The following SFSWAP variants were observed in gnomAD, a reference collection of about 807,000 sequenced individuals.
SFSWAP encodes splicing factor, suppressor of white-apricot homolog.
In SFSWAP, 17 loss-of-function variants were observed where a neutral mutation model predicts 100.7. The observed-to-expected ratio is 0.17, with a 90% CI of 0.12 to 0.25. The LOEUF (loss-of-function observed/expected upper bound fraction) is 0.25. Among genes scored for constraint, SFSWAP ranks in the 10% least tolerant of loss-of-function variants. The pLI, the probability that SFSWAP is intolerant of heterozygous loss-of-function variation, is 1.00. For missense variants in SFSWAP, 1,005 were observed against 1,262.6 expected (o/e 0.80, Z 3.09); for synonymous variants, 504 against 510.1 (o/e 0.99, Z 0.16).
rs1566068023 is a variant in SFSWAP, at chr12:131,799,532, TG to T, written c.*47del. ...AGAGCCGGGAGGCTGCGTGGGCTTC[TG>T]GGCAGGCTCACGCAGACGCCGGCCA... On this transcript the variant is annotated 3_prime_UTR_variant, in exon 18 of 18. Coordinates refer to ENST00000261674, the MANE Select transcript of SFSWAP (RefSeq NM_004592.4). The T allele has an allele frequency of 6.3e-7, 1 of 1,576,288 alleles. No individual in the cohort carries two copies. Among genetic ancestry groups the T allele is most frequent in the Non-Finnish European group, 8.7e-7 (1 of 1,149,266 alleles).
At chr12:131,740,538 C>T (rs1187156107) in intron 7 of SFSWAP, among the ~76,000 whole-genome samples, 1 of 152,166 alleles carries the variant, frequency 6.6e-6, no homozygotes, top group Non-Finnish European at 1.5e-5. Flanking sequence ...CCTCGAGCAC[C>T]TTTCCTGTCC....
intron 11 of SFSWAP, among the ~76,000 whole-genome samples, chr12:131,761,795 A>G (rs1463568390): frequency 6.6e-6 from 1 of 152,160 alleles, no homozygotes; most frequent in East Asian, 1.9e-4. Flanking sequence ...GTACCTGGAG[A>G]AACTTAGTTA....
At chr12:131,779,201 G>A (rs1421083548) in intron 14 of SFSWAP, among the ~76,000 whole-genome samples, 7 of 150,250 alleles carry the variant, frequency 4.7e-5, no homozygotes, top group African/African-American at 1.5e-4. Flanking sequence ...AGGGCAGCGC[G>A]GATGAGTGTG....
chr12:131,715,001 G>A lies in SFSWAP; in HGVS notation c.520+48G>A, dbSNP rs113877613. 1.3e-5 allele frequency: 21 copies of A among 1,603,214 alleles called. 1 individual carries two copies. Among genetic ancestry groups the A allele is most frequent in the African/African-American group, 1.1e-4 (8 of 74,798 alleles). ...TGCTGGTGTAGGGCTACACGTGTAC[G>A]CACAGGCTGCATGCACCGTGGTCCA... On this transcript the variant is annotated intron_variant, in intron 3 of 17. Transcript: ENST00000261674.
chr12:131,775,690 T>G (rs1314392529), intron 13 of SFSWAP, among the ~76,000 whole-genome samples: 3 of 152,224 alleles, frequency 2.0e-5, no homozygotes, highest in Non-Finnish European at 2.9e-5. Flanking sequence ...AAAGGATCAT[T>G]TAGCATTGCT....
At chr12:131,793,508 A>C (rs1046829102) in intron 15 of SFSWAP, among the ~76,000 whole-genome samples, 2 of 152,192 alleles carry the variant, frequency 1.3e-5, no homozygotes, top group Non-Finnish European at 2.9e-5. Flanking sequence ...AACTAGAACC[A>C]TTAAGCTTTT....
At chr12:131,799,391 A>G in intron 17 of SFSWAP, 32 bp from the exon 18 acceptor site, 1 of 1,610,566 alleles carries the variant, frequency 6.2e-7, no homozygotes, top group Non-Finnish European at 8.5e-7. Context: ...CCAGGTCTTC[A>G]CAGGTTCTCC....
At position 131,711,435 on chromosome 12, in the gene SFSWAP, T is replaced by G; in HGVS notation, c.206T>G (p.Ile69Ser). ...ATCCCCTGGATGGGGGACCACAAGATCCTCATCGACAGGTCGGTTCCTCTC... is the reference window on the plus strand; with the variant it reads ...ATCCCCTGGATGGGGGACCACAAGAGCCTCATCGACAGGTCGGTTCCTCTC... ...HLIPWMGDHK[I>S]LIDRYDGRGH... is the part of the protein sequence containing the mutation. Residue 69 changes from isoleucine to serine, a missense_variant, in exon 1 of 18, where the codon ATC becomes AGC. Transcript: ENST00000261674. The surrounding 1 kb of genome is among the most constrained non-coding windows in gnomAD (Gnocchi z 4.9). The G allele has an allele frequency of 6.2e-7, 1 of 1,613,014 alleles. No homozygotes were observed. Among genetic ancestry groups the G allele is most frequent in the Non-Finnish European group, 8.5e-7 (1 of 1,179,716 alleles).
intron 15 of SFSWAP, among the ~76,000 whole-genome samples, chr12:131,793,398 A>G (rs568578721): frequency 1.3e-5 from 2 of 152,306 alleles, no homozygotes; most frequent in Admixed American, 1.3e-4. Context: ...AACTCTTTCC[A>G]ACAAAACTTG....
At chr12:131,743,703 T>C (rs1163865164) in intron 7 of SFSWAP, among the ~76,000 whole-genome samples, 5 of 152,228 alleles carry the variant, frequency 3.3e-5, no homozygotes, top group Non-Finnish European at 5.9e-5. Flanking sequence ...TTCTCACAGC[T>C]GCACTAGGCA....
intron 7 of SFSWAP, among the ~76,000 whole-genome samples, chr12:131,736,025 GT>G (rs1440975967): frequency 6.6e-6 from 1 of 152,336 alleles, no homozygotes; most frequent in African/African-American, 2.4e-5. Context: ...CTCCCCTGGT[GT>G]TTGTCATGGC....
chr12:131,799,310 C>T (rs992362419), intron 17 of SFSWAP, 113 bp from the exon 18 acceptor site: 1 of 1,204,082 alleles, frequency 8.3e-7, no homozygotes, highest in East Asian at 2.4e-5. Flanking sequence ...CCGCCGCCCC[C>T]ACGGTGCTAG....
At position 131,785,298 on chromosome 12, in the gene SFSWAP, C is replaced by T. The variant is rs554567355; in HGVS notation, c.2409-1165C>T. ...GGAAAGGTCTGGGAAAAAATCAAAA[C>T]GATTCTGTCCGTTAAAGGGCAGCCA... is the stretch of plus-strand genomic sequence containing the variant. On this transcript the variant is annotated intron_variant, in intron 14 of 17. Coordinates refer to ENST00000261674, the MANE Select transcript of SFSWAP (RefSeq NM_004592.4). 28 of 1,407,768 alleles carry T rather than the reference C, an allele frequency of 2.0e-5. No individual in the cohort carries two copies. The Admixed American group carries it at 3.7e-4, about 19-fold the overall frequency. 87.2% of individuals were successfully genotyped at this position (1,407,768 alleles called of 1,614,324 possible). A position where few individuals can be genotyped will look rare whatever the true frequency, so the allele number is the denominator to read the frequency against.
At chr12:131,769,490 A>G (rs1036714305) in intron 13 of SFSWAP, among the ~76,000 whole-genome samples, 3 of 152,362 alleles carry the variant, frequency 2.0e-5, no homozygotes, top group Admixed American at 6.5e-5. Context: ...AGTCACAAGT[A>G]TAATTTATCA....
chr12:131,785,475 T>C (rs1884827359), intron 14 of SFSWAP: 3 of 395,170 alleles, frequency 7.6e-6, no homozygotes, highest in Non-Finnish European at 9.1e-6. Context: ...TATATTGTTT[T>C]TGAATGAGTT....
chr12:131,715,145 G>A (rs1877772370), intron 3 of SFSWAP, among the ~76,000 whole-genome samples, 192 bp downstream of exon 3: 1 of 152,204 alleles, frequency 6.6e-6, no homozygotes, highest in African/African-American at 2.4e-5. Context: ...TAATGGAGGT[G>A]GAAAGTGAAT....
chr12:131,741,068 G>A (rs1050193402), intron 7 of SFSWAP, among the ~76,000 whole-genome samples: 3 of 147,004 alleles, frequency 2.0e-5, no homozygotes, highest in Admixed American at 7.0e-5. Flanking sequence ...CACCTCCTGG[G>A]TTCAAGCAAT....
chr12:131,749,418 C>T (rs1881420032), intron 7 of SFSWAP, among the ~76,000 whole-genome samples: 1 of 152,246 alleles, frequency 6.6e-6, no homozygotes, highest in Admixed American at 6.5e-5. Flanking sequence ...AGTTTGTAGA[C>T]TACAGCCCAG....
chr12:131,761,003 T>C (rs1415922386), intron 11 of SFSWAP, among the ~76,000 whole-genome samples: 14 of 152,154 alleles, frequency 9.2e-5, no homozygotes, highest in African/African-American at 2.9e-4. Flanking sequence ...AACTGGAAGG[T>C]GGAAGTTGCA....
Sources: allele counts gnomAD v4.1 joint callset (sites outside exome capture counted in the v4.1 genomes callset), GRCh38; gene constraint gnomAD v4.1.1; non-coding constraint Gnocchi (gnomAD v3.1); transcripts MANE v1.5; gene names NCBI Gene and HGNC (gene_info 2026-07-23, HGNC 2026-07-21).